RUNDC3B: variants seen among roughly 807,000 people sequenced by gnomAD.
The protein encoded by RUNDC3B is RUN domain-containing protein 3B.
In RUNDC3B, 33 loss-of-function variants were observed where a neutral mutation model predicts 58.4. The ratio of observed to expected loss-of-function variants is 0.56; its 90% CI spans 0.43 to 0.75. The LOEUF is 0.75. RUNDC3B is among the 30% of genes least tolerant of loss of function. The probability of loss-of-function intolerance (pLI) is 0.00; values close to 1 mark genes in which losing one functional copy is unlikely to be tolerated. For missense variants in RUNDC3B, 501 were observed against 535.7 expected (o/e 0.94, Z 0.64); for synonymous variants, 193 against 195.2 (o/e 0.99, Z 0.10).
chr7:87,804,066 T>C (rs1836309979), intron 8 of RUNDC3B, among the ~76,000 whole-genome samples: 1 of 152,136 alleles, frequency 6.6e-6, no homozygotes, highest in Non-Finnish European at 1.5e-5. Flanking sequence ...AATAATTGAT[T>C]ATTAAACTGT....
At chr7:87,801,958 C>T (rs560778548) in intron 8 of RUNDC3B, among the ~76,000 whole-genome samples, 24 of 152,064 alleles carry the variant, frequency 1.6e-4, no homozygotes, top group African/African-American at 5.8e-4. Context: ...GAATTTTTTT[C>T]AAAAACAATG....
chr7:87,664,245 G>A (rs1227964298), intron 2 of RUNDC3B, among the ~76,000 whole-genome samples: 1 of 152,130 alleles, frequency 6.6e-6, no homozygotes, highest in Non-Finnish European at 1.5e-5. Context: ...AGGGTCACTT[G>A]AGGCCAGGAG....
chr7:87,638,292 G>T (rs1822021511), intron 1 of RUNDC3B, among the ~76,000 whole-genome samples: 1 of 151,340 alleles, frequency 6.6e-6, no homozygotes, highest in African/African-American at 2.4e-5. Context: ...GTTCTTGTCT[G>T]GTTTTGTCAT....
rs1388693658 is a variant in RUNDC3B, at chr7:87,636,825, T to C, written c.122+7880T>C. ...TTGTATTAGTCTGTTCTCATGCTGC[T>C]ATGAGGACATACCTGAGACTGGGTA... On this transcript the variant is annotated intron_variant, in intron 1 of 10. Transcript: ENST00000394654. Among the ~76,000 whole-genome samples the C allele has an allele frequency of 4.6e-5, 7 of 152,194 alleles. 1 individual carries two copies.
At chr7:87,638,345 T>TTGTGTGTG (rs71524692) in intron 1 of RUNDC3B, among the ~76,000 whole-genome samples, 1,703 of 144,776 alleles carry the variant, frequency 0.012, 13 homozygotes, top group African/African-American at 0.025. Context: ...AAGTATGTGT[T>TTGTGTGTG]TGTGTGTGTG....
At chr7:87,826,642 G>A (rs1015550764) in intron 10 of RUNDC3B, among the ~76,000 whole-genome samples, 4 of 152,048 alleles carry the variant, frequency 2.6e-5, no homozygotes, top group Non-Finnish European at 5.9e-5. Context: ...TGTTTATAGA[G>A]TCACTGGAGA....
Position 87,738,026 on chromosome 7 carries a change from C to T in RUNDC3B, c.459-1765C>T, listed in dbSNP as rs145323182. Among the ~76,000 whole-genome samples the T allele has an allele frequency of 5.0e-3, 756 of 152,078 alleles. 7 individuals are homozygous for T. Among genetic ancestry groups the T allele is most frequent in the African/African-American group, 0.017 (724 of 41,504 alleles). On this transcript the variant is annotated intron_variant, in intron 4 of 10. Transcript: ENST00000394654. ...GAAAGCAAGCAAGAATAGTTTTGAGCTGATTTTTAGAATGTATTTTTTAAA... is the reference window on the plus strand; with the variant it reads ...GAAAGCAAGCAAGAATAGTTTTGAGTTGATTTTTAGAATGTATTTTTTAAA...
chr7:87,659,147 A>G (rs1470762661), intron 2 of RUNDC3B: 4 of 393,996 alleles, frequency 1.0e-5, no homozygotes, highest in African/African-American at 2.1e-5. Context: ...GGGCAATAGA[A>G]TGAGACCCTG....
intron 8 of RUNDC3B, among the ~76,000 whole-genome samples, chr7:87,803,744 CGTT>C (rs1397141424): frequency 6.6e-6 from 1 of 152,012 alleles, no homozygotes; most frequent in Non-Finnish European, 1.5e-5. Flanking sequence ...ACTTGATATT[CGTT>C]GTGAATATAT....
At chr7:87,748,455 G>T (rs186665227) in intron 6 of RUNDC3B, among the ~76,000 whole-genome samples, 1 of 152,184 alleles carries the variant, frequency 6.6e-6, no homozygotes, top group Non-Finnish European at 1.5e-5. Context: ...GCAAGCCTCC[G>T]CAGGCTGCTC....
intron 4 of RUNDC3B, among the ~76,000 whole-genome samples, chr7:87,728,294 C>T (rs1034083433): frequency 2.0e-5 from 3 of 152,202 alleles, no homozygotes; most frequent in African/African-American, 7.2e-5. Flanking sequence ...CAAACTTTCT[C>T]TCATTCTCTG....
intron 9 of RUNDC3B, among the ~76,000 whole-genome samples, chr7:87,814,993 A>G (rs1836953771): frequency 1.3e-5 from 2 of 152,188 alleles, no homozygotes; most frequent in Non-Finnish European, 2.9e-5. Flanking sequence ...AAAGCAATTA[A>G]AAATAACTTG....
chr7:87,766,686 C>G (rs557767826), intron 6 of RUNDC3B, among the ~76,000 whole-genome samples: 2 of 151,876 alleles, frequency 1.3e-5, no homozygotes, highest in African/African-American at 4.8e-5. Flanking sequence ...TTTTCTTTCA[C>G]GTTGACCTTG....
chr7:87,657,141 G>A (rs565526898), intron 2 of RUNDC3B, among the ~76,000 whole-genome samples: 3 of 152,150 alleles, frequency 2.0e-5, no homozygotes, highest in Non-Finnish European at 2.9e-5. Context: ...GAAAGGTAGC[G>A]AGTAGAAGAA....
chr7:87,751,584 G>C (rs1350498564), intron 6 of RUNDC3B, among the ~76,000 whole-genome samples: 2 of 152,130 alleles, frequency 1.3e-5, no homozygotes, highest in Admixed American at 6.5e-5. Flanking sequence ...TCTCCTTGAA[G>C]AGGTCTTTCA....
At chr7:87,749,799 C>T (rs1832855521) in intron 6 of RUNDC3B, among the ~76,000 whole-genome samples, 1 of 151,938 alleles carries the variant, frequency 6.6e-6, no homozygotes, top group Non-Finnish European at 1.5e-5. Context: ...TAGAAACATT[C>T]TTAACATTTT....
At chr7:87,800,073 C>T (rs1369619619) in intron 8 of RUNDC3B, among the ~76,000 whole-genome samples, 1 of 152,096 alleles carries the variant, frequency 6.6e-6, no homozygotes, top group African/African-American at 2.4e-5. Flanking sequence ...TTAAAAATTA[C>T]TTCAAGTCAT....
intron 10 of RUNDC3B, 144 bp from the exon 11 acceptor site, chr7:87,829,741 T>C (rs1838034838): frequency 1.9e-6 from 1 of 529,564 alleles, no homozygotes; most frequent in Admixed American, 3.6e-5. Context: ...TAGCAGTCAA[T>C]CATGCAATTT....
intron 2 of RUNDC3B, among the ~76,000 whole-genome samples, chr7:87,654,953 A>G (rs1216108414): frequency 1.3e-5 from 2 of 152,118 alleles, no homozygotes; most frequent in East Asian, 1.9e-4. Context: ...CAAAATCACT[A>G]TACAGCAAAT....
Sources: allele counts gnomAD v4.1 joint callset (sites outside exome capture counted in the v4.1 genomes callset), GRCh38; gene constraint gnomAD v4.1.1; transcripts MANE v1.5; gene names NCBI Gene and HGNC (gene_info 2026-07-23, HGNC 2026-07-21).